The following RARA variants were observed in gnomAD, a reference collection of about 807,000 sequenced individuals.
RARA encodes the protein retinoic acid receptor alpha.
A neutral mutation model predicts 42.8 loss-of-function variants in RARA; 5 were observed. The observed-to-expected ratio is 0.12, with a 90% CI of 0.06 to 0.25. RARA has a LOEUF of 0.25. Among genes scored for constraint, RARA ranks in the 10% least tolerant of loss-of-function variants. The pLI is 1.00. For synonymous variants in RARA, 256 were observed against 259.5 expected, an observed-to-expected ratio of 0.99 and a Z score of 0.13; for missense variants, 402 against 628.7, an observed-to-expected ratio of 0.64 and a Z score of 3.86.
In RARA at chr17:40,355,154, G is replaced by T; in HGVS notation, c.1013-109G>T. 1 of 1,358,216 alleles carries T rather than the reference G, an allele frequency of 7.4e-7. No homozygotes were observed. Among genetic ancestry groups the T allele is most frequent in the South Asian group, 1.5e-5 (1 of 68,246 alleles). The allele number at this position is 1,358,216 out of a possible 1,614,324, so 84.1% of individuals were successfully genotyped here. On this transcript the variant is annotated intron_variant, in intron 7 of 8. Transcript: ENST00000254066. This position sits in a 1 kb window ranked among gnomAD's most constrained non-coding sequence, Gnocchi z 4.1. ...CATGCCCTGCCCTGTGTGGGGAGGC[G>T]CCTGCGAGCTGCCCTCCTCCATGGC...
intron 2 of RARA, among the ~76,000 whole-genome samples, chr17:40,347,284 A>G (rs2034298460): frequency 6.6e-6 from 1 of 152,134 alleles, no homozygotes; most frequent in Non-Finnish European, 1.5e-5. Context: ...GAACGTTGGT[A>G]GGGGCCTCAG....
intron 1 of RARA, among the ~76,000 whole-genome samples, chr17:40,325,252 AAAATAAATAAATAAATAAAT>A (rs10689341): frequency 2.1e-5 from 3 of 141,532 alleles, no homozygotes; most frequent in African/African-American, 5.3e-5. Context: ...CTCCATCTCA[AAAATAAATAAATAAATAAAT>A]AAATAAATAA....
rs1375747297 is a variant in RARA at position 40,352,189 on chromosome 17, C to G, written c.630+119C>G. On this transcript the variant is annotated intron_variant, in intron 5 of 8. Coordinates refer to ENST00000254066, the MANE Select transcript of RARA (RefSeq NM_000964.4). This position sits in a 1 kb window ranked among gnomAD's most constrained non-coding sequence, Gnocchi z 4.9. ...GATCTCTGCGTCCTTCCCTTCCCCT[C>G]TCTTCTCCCTCCTCCTGCTGCCTCT... 6.7e-7 allele frequency: 1 copy of G among 1,488,156 alleles called. No homozygotes were observed. Among genetic ancestry groups the G allele is most frequent in the Non-Finnish European group, 8.9e-7 (1 of 1,125,366 alleles). 92.2% of individuals were successfully genotyped at this position (1,488,156 alleles called of 1,614,324 possible). A position where few individuals can be genotyped will look rare whatever the true frequency, so the allele number is the denominator to read the frequency against.
At chr17:40,348,016 C>T (rs776710221) in intron 2 of RARA, 66 of 280,680 alleles carry the variant, frequency 2.4e-4, no homozygotes, top group Non-Finnish European at 3.8e-4. Context: ...GTGACCCCCA[C>T]CCCTACTCCC....
rs778070940 is a variant in RARA, at chr17:40,355,459, C to T, written c.1171+38C>T. 1.8e-5 allele frequency: 28 copies of T among 1,577,044 alleles called. No homozygotes were observed. Among genetic ancestry groups the T allele is most frequent in the South Asian group, 1.5e-4 (13 of 86,590 alleles). Reference sequence around the variant, plus strand: ...GACCTGGAGGGGTACCGGCCCCCGACACCTGGCCCAGGCCCCCACATCCAA... The same window carrying T: ...GACCTGGAGGGGTACCGGCCCCCGATACCTGGCCCAGGCCCCCACATCCAA... On this transcript the variant is annotated intron_variant, in intron 8 of 8. Coordinates refer to ENST00000254066, the MANE Select transcript of RARA (RefSeq NM_000964.4). The surrounding 1 kb of genome is among the most constrained non-coding windows in gnomAD (Gnocchi z 4.1).
intron 1 of RARA, among the ~76,000 whole-genome samples, chr17:40,316,981 CT>C (rs1390659146): frequency 1.3e-5 from 2 of 152,264 alleles, no homozygotes; most frequent in Non-Finnish European, 2.9e-5. Flanking sequence ...GCCATCCTGG[CT>C]TGTCCTACCT....
At chr17:40,343,241 G>C (rs2034138510) in intron 2 of RARA, 1 of 169,660 alleles carries the variant, frequency 5.9e-6, no homozygotes, top group Admixed American at 6.4e-5. Context: ...GGTCCTGTCT[G>C]TGTGGGTTTG....
Position 40,355,931 on chromosome 17 carries a change from C to G in RARA, c.1172-78C>G. On this transcript the variant is annotated intron_variant, in intron 8 of 8. Transcript: ENST00000254066. The surrounding 1 kb of genome is among the most constrained non-coding windows in gnomAD (Gnocchi z 4.1). ...AATATCAGCAGTATTGATCTTCCCA[C>G]CTCGAGCCAGGCTTGCTGGGGCTGG... 1 of 1,312,090 alleles carries G rather than the reference C, an allele frequency of 7.6e-7. No individual in the cohort carries two copies. 81.3% of individuals were successfully genotyped at this position (1,312,090 alleles called of 1,614,324 possible). A position where few individuals can be genotyped will look rare whatever the true frequency, so the allele number is the denominator to read the frequency against.
intron 2 of RARA, among the ~76,000 whole-genome samples, chr17:40,336,966 G>A (rs1017884501): frequency 6.6e-6 from 1 of 152,218 alleles, no homozygotes; most frequent in African/African-American, 2.4e-5. Flanking sequence ...CTAAAGTGCT[G>A]GGATTACAGG....
At chr17:40,350,355 G>C (rs889454859) in intron 4 of RARA, 1 of 162,710 alleles carries the variant, frequency 6.1e-6, no homozygotes, top group South Asian at 1.6e-4. Context: ...TGTGTATGGG[G>C]GGGTGGAAGG....
At chr17:40,329,137 C>CT (rs71152664) in intron 1 of RARA, among the ~76,000 whole-genome samples, 1,654 of 144,906 alleles carry the variant, frequency 0.011, 7 homozygotes, top group Non-Finnish European at 0.016. Flanking sequence ...TCTCATTGTG[C>CT]TTTTTTTTTT....
chr17:40,354,550 T>G lies in RARA; in HGVS notation c.1012+44T>G, dbSNP rs904884740. 1.3e-6 allele frequency: 2 copies of G among 1,586,464 alleles called. No homozygotes were observed. Among genetic ancestry groups the G allele is most frequent in the Non-Finnish European group, 1.7e-6 (2 of 1,161,584 alleles). On this transcript the variant is annotated intron_variant, in intron 7 of 8. Coordinates refer to ENST00000254066, the MANE Select transcript of RARA (RefSeq NM_000964.4). This position sits in a 1 kb window ranked among gnomAD's most constrained non-coding sequence, Gnocchi z 4.5. ...TCTGGGGGCTGGGCTGGGACGGGGG[T>G]GCAGCCCTGGAGTCTCTTCCAGGGA...
At chr17:40,342,509 C>T in intron 2 of RARA, 1 of 1,321,210 alleles carries the variant, frequency 7.6e-7, no homozygotes, top group Non-Finnish European at 9.7e-7. Context: ...CTGCTTTTCA[C>T]CGGGACTGGC....
chr17:40,347,001 A>C (rs1441227253), intron 2 of RARA, among the ~76,000 whole-genome samples: 1 of 152,176 alleles, frequency 6.6e-6, no homozygotes, highest in Non-Finnish European at 1.5e-5. Flanking sequence ...GTCTGCAGGT[A>C]AGGGGGGAGG....
In RARA at chr17:40,356,186, C is replaced by T. The variant is rs957564687; in HGVS notation, c.1349C>T (p.Pro450Leu). The T allele has an allele frequency of 4.5e-6, 7 of 1,550,698 alleles. No individual in the cohort carries two copies. Among genetic ancestry groups the T allele is most frequent in the African/African-American group, 1.4e-5 (1 of 73,276 alleles). Residue 450 changes from proline (P) to leucine (L), a missense_variant, in exon 9 of 9, where the codon CCC (proline) becomes CTC (leucine). Pro to Leu is a moderately conservative substitution (Grantham distance 98). This residue lies in a region of RARA where 73 missense variants were observed against 59.8 expected (regional missense o/e 1.22). Transcript: ENST00000254066. ...PPGSCSPSLSPSSNRSSPATH... is the reference protein window; with the variant it reads ...PPGSCSPSLSLSSNRSSPATH... Reference sequence around the variant, plus strand: ...GGCAGCTGTAGCCCCAGCCTCAGCCCCAGCTCCAACAGAAGCAGCCCGGCC... The same window carrying T: ...GGCAGCTGTAGCCCCAGCCTCAGCCTCAGCTCCAACAGAAGCAGCCCGGCC...
At position 40,349,942 on chromosome 17, in the gene RARA, A is replaced by G; in HGVS notation, c.469+17A>G. On this transcript the variant is annotated intron_variant, in intron 4 of 8. Transcript: ENST00000254066. ...CCAAGGAGTGTGAGTGCCATAGGGC[A>G]GGGGCCGAGTCCCGCCTCAGTTGGG... The G allele has an allele frequency of 6.2e-7, 1 of 1,612,652 alleles. No homozygotes were observed. Among genetic ancestry groups the G allele is most frequent in the Non-Finnish European group, 8.5e-7 (1 of 1,178,814 alleles).
At chr17:40,350,173 C>T in intron 4 of RARA, 1 of 524,908 alleles carries the variant, frequency 1.9e-6, no homozygotes, top group Non-Finnish European at 3.4e-6. Context: ...CCTGTTTCTG[C>T]ACGTCTGGCT....
chr17:40,331,785 G>A (rs1811676374), intron 2 of RARA, among the ~76,000 whole-genome samples: 1 of 152,188 alleles, frequency 6.6e-6, no homozygotes, highest in South Asian at 2.1e-4. Flanking sequence ...TAGAGTGAGA[G>A]CAGCACACCA....
At chr17:40,339,854 G>A (rs1340107547) in intron 2 of RARA, among the ~76,000 whole-genome samples, 3 of 152,290 alleles carry the variant, frequency 2.0e-5, no homozygotes, top group Non-Finnish European at 2.9e-5. Flanking sequence ...AGCTGTGAGC[G>A]CAGAGCCTTG....
Sources: gnomAD v4.1 joint callset for allele counts (sites outside exome capture counted in the v4.1 genomes callset) on GRCh38, gnomAD v4.1.1 for gene constraint, gnomAD v4.1.1 regional missense constraint, Gnocchi (gnomAD v3.1) non-coding constraint, MANE v1.5 for transcripts, NCBI Gene and HGNC (gene_info 2026-07-23, HGNC 2026-07-21) for gene names.